Variants in MARCHF1 observed in about 807,000 individuals in gnomAD.
MARCHF1 encodes the protein membrane associated ring-CH-type finger 1.
In MARCHF1, 40 loss-of-function variants were observed where a neutral mutation model predicts 54.2. The ratio of observed to expected loss-of-function variants is 0.74; its 90% CI spans 0.57 to 0.96. MARCHF1 has a LOEUF of 0.96. Ranked by LOEUF, MARCHF1 falls within the 40% of genes least tolerant of loss-of-function variation. The pLI is 0.00. For synonymous variants in MARCHF1, 236 were observed against 236.3 expected (o/e 1.00, Z 0.01); for missense variants, 586 against 656.5 (o/e 0.89, Z 1.17).
chr4:164,106,056 C>T (rs1266624462), intron 2 of MARCHF1, among the ~76,000 whole-genome samples: 1 of 151,348 alleles, frequency 6.6e-6, no homozygotes, highest in Non-Finnish European at 1.5e-5. Flanking sequence ...CAAATCAAAA[C>T]CACAATGAGA....
chr4:164,355,992 GC>G (rs1730515860), intron 1 of MARCHF1, among the ~76,000 whole-genome samples: 2 of 127,788 alleles, frequency 1.6e-5, no homozygotes, highest in African/African-American at 5.4e-5. Context: ...AGACATTTAT[GC>G]AGCCAAAAAA....
rs186756135 is a variant in MARCHF1 at position 163,947,219 on chromosome 4, G to A, written c.-39+41282C>T. On this transcript the variant is annotated intron_variant, in intron 3 of 9. Coordinates refer to ENST00000514618, the MANE Select transcript of MARCHF1 (RefSeq NM_001394959.1). ...ATAATAACTCAGTTACAAATATATTGTCTAAAAATACTAGATTTTTAATTT... is the reference window on the plus strand; with the variant it reads ...ATAATAACTCAGTTACAAATATATTATCTAAAAATACTAGATTTTTAATTT... 2.5e-3 allele frequency among the ~76,000 whole-genome samples: 378 copies of A among 152,146 alleles called. 1 individual carries two copies. Among genetic ancestry groups the A allele is most frequent in the African/African-American group, 8.8e-3 (365 of 41,504 alleles).
intron 2 of MARCHF1, among the ~76,000 whole-genome samples, chr4:164,037,769 G>A (rs1280458529): frequency 4.6e-5 from 7 of 152,292 alleles, no homozygotes; most frequent in African/African-American, 1.7e-4. Flanking sequence ...ACAGTGATAT[G>A]TCATGTTGAT....
intron 4 of MARCHF1, among the ~76,000 whole-genome samples, chr4:163,746,003 G>A (rs775520835): frequency 3.3e-5 from 5 of 152,148 alleles, no homozygotes; most frequent in African/African-American, 9.6e-5. Flanking sequence ...ATCAGTGAAC[G>A]TACACTGACA....
chr4:164,229,072 A>T (rs1732335840), intron 1 of MARCHF1, among the ~76,000 whole-genome samples: 2 of 152,162 alleles, frequency 1.3e-5, no homozygotes, highest in Admixed American at 1.3e-4. Flanking sequence ...AAAAAGAAGG[A>T]TCTCAAATAT....
intron 1 of MARCHF1, among the ~76,000 whole-genome samples, chr4:164,350,801 A>G (rs991360141): frequency 6.6e-6 from 1 of 152,170 alleles, no homozygotes; most frequent in East Asian, 1.9e-4. Context: ...TACAGCTCCC[A>G]GCGTGAGCGA....
At chr4:164,045,609 TTTTGTTTGTTTG>T (rs537888093) in intron 2 of MARCHF1, among the ~76,000 whole-genome samples, 1 of 151,620 alleles carries the variant, frequency 6.6e-6, no homozygotes, top group African/African-American at 2.4e-5. Context: ...TAGCTTAGGT[TTTTGTTTGTTTG>T]TTTGTTTGTT....
chr4:163,719,935 T>C (rs1042947704), intron 4 of MARCHF1, among the ~76,000 whole-genome samples: 2 of 152,238 alleles, frequency 1.3e-5, no homozygotes, highest in African/African-American at 4.8e-5. Flanking sequence ...TAGCCCTTTG[T>C]CAGATTAGTA....
chr4:164,227,439 A>G (rs1398009258), intron 1 of MARCHF1, among the ~76,000 whole-genome samples: 4 of 152,072 alleles, frequency 2.6e-5, no homozygotes, highest in Non-Finnish European at 4.4e-5. Flanking sequence ...GAGCCAAACC[A>G]TATCAAAGGC....
rs1328871583 is a variant in MARCHF1, at chr4:163,700,849, T to C, written c.126A>G (p.Pro42=). 6.5e-7 allele frequency: 1 copy of C among 1,536,120 alleles called. No individual in the cohort carries two copies. The change falls in exon 5 of 10, where the codon CCA becomes CCG. Residue 42 remains proline (P), a synonymous_variant. Coordinates refer to ENST00000514618, the MANE Select transcript of MARCHF1 (RefSeq NM_001394959.1). Reference sequence around the variant, plus strand: ...TACTTGATCGACTTGCAGATCGCCCTGGGGATTTTTCATTCTGAAAAATAA... The same window carrying C: ...TACTTGATCGACTTGCAGATCGCCCCGGGGATTTTTCATTCTGAAAAATAA... ...SQTSTLNEKS[P]GRSASRSSNI... is the part of the protein sequence containing the mutation.
intron 1 of MARCHF1, among the ~76,000 whole-genome samples, chr4:164,239,871 G>A (rs1327661779): frequency 6.6e-6 from 1 of 152,002 alleles, no homozygotes; most frequent in Non-Finnish European, 1.5e-5. Context: ...GAAAATCTTT[G>A]ACAGCAAGAA....
intron 1 of MARCHF1, among the ~76,000 whole-genome samples, chr4:164,165,452 G>A (rs1730351242): frequency 6.6e-6 from 1 of 151,818 alleles, no homozygotes; most frequent in Non-Finnish European, 1.5e-5. Context: ...AAGACAGGAA[G>A]AGAGCCCTCA....
chr4:163,662,482 G>C (rs1040789640), intron 5 of MARCHF1, among the ~76,000 whole-genome samples: 5 of 151,210 alleles, frequency 3.3e-5, no homozygotes, highest in Admixed American at 2.6e-4. Context: ...TTTTATTTCT[G>C]CTCTCATATT....
At chr4:164,296,963 G>A (rs950641102) in intron 1 of MARCHF1, among the ~76,000 whole-genome samples, 3 of 152,184 alleles carry the variant, frequency 2.0e-5, no homozygotes, top group African/African-American at 7.2e-5. Context: ...CTAGCACCCA[G>A]CAGACTTGGA....
intron 5 of MARCHF1, among the ~76,000 whole-genome samples, chr4:163,637,065 C>T (rs1387661617): frequency 2.0e-5 from 3 of 151,142 alleles, no homozygotes; most frequent in African/African-American, 7.3e-5. Flanking sequence ...GAAACTGGAT[C>T]CCTTCCTTAC....
At chr4:163,605,598 C>T (rs1741115313) in intron 7 of MARCHF1, among the ~76,000 whole-genome samples, 1 of 152,148 alleles carries the variant, frequency 6.6e-6, no homozygotes, top group Non-Finnish European at 1.5e-5. Context: ...TATCAAGACA[C>T]ATGCACATGT....
chr4:164,303,911 G>A (rs1734629347), intron 1 of MARCHF1, among the ~76,000 whole-genome samples: 1 of 152,228 alleles, frequency 6.6e-6, no homozygotes, highest in East Asian at 1.9e-4. Context: ...GGCATTATTG[G>A]GTAATCGACA....
intron 2 of MARCHF1, among the ~76,000 whole-genome samples, chr4:164,039,940 GGAT>G (rs1754088369): frequency 6.9e-6 from 1 of 145,766 alleles, no homozygotes; most frequent in Non-Finnish European, 1.5e-5. Flanking sequence ...TATTCATCTT[GGAT>G]AAAATAAATT....
chr4:164,001,567 T>C (rs975509387), intron 2 of MARCHF1, among the ~76,000 whole-genome samples: 2 of 151,880 alleles, frequency 1.3e-5, no homozygotes, highest in East Asian at 3.9e-4. Context: ...CATTGTACAA[T>C]AGGCAGCACA....
Sources: allele counts gnomAD v4.1 joint callset (sites outside exome capture counted in the v4.1 genomes callset), GRCh38; gene constraint gnomAD v4.1.1; transcripts MANE v1.5; gene names NCBI Gene and HGNC (gene_info 2026-07-23, HGNC 2026-07-21).